SEMA6A: variants seen among roughly 807,000 people sequenced by gnomAD.
SEMA6A encodes the protein semaphorin 6A, also known as semaphorin-6A.
Under a neutral mutation model 96.8 loss-of-function variants are expected in SEMA6A, and 25 were observed. The ratio of observed to expected loss-of-function variants is 0.26; its 90% confidence interval spans 0.19 to 0.36. The LOEUF (loss-of-function observed/expected upper bound fraction) is 0.36. SEMA6A is among the 10% of genes least tolerant of loss of function. SEMA6A has a pLI of 1.00. For missense variants in SEMA6A, 1,363 were observed against 1,323.1 expected (o/e 1.03, Z -0.47); for synonymous variants, 612 against 518.0 (o/e 1.18, Z -2.46).
intron 1 of SEMA6A, among the ~76,000 whole-genome samples, chr5:116,543,997 C>T (rs939260123): frequency 9.2e-5 from 14 of 152,230 alleles, no homozygotes; most frequent in Admixed American, 3.9e-4. Flanking sequence ...TGTGGCATTA[C>T]TAATACAGAT....
At chr5:116,451,790 G>A (rs1754653057) in intron 18 of SEMA6A, among the ~76,000 whole-genome samples, 1 of 152,102 alleles carries the variant, frequency 6.6e-6, no homozygotes, top group Admixed American at 6.5e-5. Flanking sequence ...AATTTTAATA[G>A]TAGCATCTAT....
At chr5:116,534,532 C>T (rs890126993) in intron 1 of SEMA6A, among the ~76,000 whole-genome samples, 3 of 152,226 alleles carry the variant, frequency 2.0e-5, no homozygotes, top group African/African-American at 7.2e-5. Flanking sequence ...GGCTTCTCCA[C>T]CTTCAGGTCT....
chr5:116,526,673 A>G (rs555378909), intron 1 of SEMA6A, among the ~76,000 whole-genome samples: 44 of 152,330 alleles, frequency 2.9e-4, no homozygotes, highest in African/African-American at 1.1e-3. Context: ...CTCACTTTAT[A>G]ATGAACTGTC....
intron 4 of SEMA6A, 146 bp from the exon 5 acceptor site, chr5:116,496,459 A>G (rs1757609045): frequency 1.7e-6 from 1 of 596,242 alleles, no homozygotes; most frequent in South Asian, 2.5e-5. Flanking sequence ...AATTCACCGT[A>G]ACAACAAAAG....
chr5:116,449,595 A>T, intron 18 of SEMA6A: 1 of 479,342 alleles, frequency 2.1e-6, no homozygotes, highest in Non-Finnish European at 3.7e-6. Flanking sequence ...CCTTAGCCTG[A>T]AAAGTACATT....
At chr5:116,467,909 G>A (rs1755872597) in intron 17 of SEMA6A, 162 bp from the exon 18 acceptor site, 1 of 645,598 alleles carries the variant, frequency 1.5e-6, no homozygotes, top group African/African-American at 1.8e-5. Flanking sequence ...TGGTGGTGGT[G>A]GTGGTGTGGG....
At chr5:116,490,282 G>A (rs1757268123) in intron 7 of SEMA6A, among the ~76,000 whole-genome samples, 1 of 152,060 alleles carries the variant, frequency 6.6e-6, no homozygotes, top group Non-Finnish European at 1.5e-5. Flanking sequence ...TGGATTTTGA[G>A]CCCCAGGTCA....
intron 18 of SEMA6A, among the ~76,000 whole-genome samples, chr5:116,464,836 TG>T (rs1453532618): frequency 6.6e-6 from 1 of 152,218 alleles, no homozygotes; most frequent in Non-Finnish European, 1.5e-5. Flanking sequence ...ACCAGCTCAC[TG>T]GCAGTCAGCA....
chr5:116,467,552 C>A (rs1481084984), intron 18 of SEMA6A, 31 bp downstream of exon 18: 2 of 1,586,650 alleles, frequency 1.3e-6, no homozygotes, highest in Non-Finnish European at 8.6e-7. Context: ...TCCCTCTCCC[C>A]CGAGAGGAAG....
intron 1 of SEMA6A, among the ~76,000 whole-genome samples, chr5:116,532,456 T>C (rs1470684073): frequency 2.0e-5 from 3 of 152,220 alleles, no homozygotes; most frequent in African/African-American, 7.2e-5. Flanking sequence ...CCATGTTTAC[T>C]GCTAGAAACC....
At chr5:116,477,403 A>G (rs1368606802) in intron 15 of SEMA6A, among the ~76,000 whole-genome samples, 1 of 152,238 alleles carries the variant, frequency 6.6e-6, no homozygotes, top group Non-Finnish European at 1.5e-5. Flanking sequence ...TGCTTGCAGT[A>G]CAATTACATT....
intron 18 of SEMA6A, among the ~76,000 whole-genome samples, chr5:116,461,984 GCC>G (rs1755434449): frequency 6.6e-6 from 1 of 152,062 alleles, no homozygotes; most frequent in African/African-American, 2.4e-5. Flanking sequence ...AGAAAATTAA[GCC>G]CAAGTTTAAG....
At chr5:116,538,269 G>A (rs969003818) in intron 1 of SEMA6A, among the ~76,000 whole-genome samples, 2 of 152,156 alleles carry the variant, frequency 1.3e-5, no homozygotes, top group African/African-American at 4.8e-5. Flanking sequence ...TGATCCATCT[G>A]TATGGGCTCA....
At chr5:116,459,014 T>C (rs1755198976) in intron 18 of SEMA6A, among the ~76,000 whole-genome samples, 2 of 152,258 alleles carry the variant, frequency 1.3e-5, no homozygotes, top group South Asian at 4.2e-4. Flanking sequence ...AGACTACATA[T>C]AGATTCCTTT....
intron 1 of SEMA6A, among the ~76,000 whole-genome samples, chr5:116,558,365 C>G (rs927686178): frequency 6.6e-6 from 1 of 152,064 alleles, no homozygotes; most frequent in African/African-American, 2.4e-5. Context: ...ATATATGTGC[C>G]ACGGTGGTTT....
At chr5:116,545,230 A>G (rs542455438) in intron 1 of SEMA6A, among the ~76,000 whole-genome samples, 85 of 152,328 alleles carry the variant, frequency 5.6e-4, no homozygotes, top group African/African-American at 2.0e-3. Context: ...GCTCCAGCCA[A>G]TGGAGACAGG....
chr5:116,480,836 G>C (rs1756723650), intron 11 of SEMA6A, among the ~76,000 whole-genome samples: 2 of 152,090 alleles, frequency 1.3e-5, no homozygotes, highest in Admixed American at 1.3e-4. Flanking sequence ...GATTTTGGCA[G>C]GTATGAAAAG....
rs534427183 is a variant in SEMA6A at position 116,470,931 on chromosome 5, G to T, written c.1729+2142C>A. 2.0e-5 allele frequency among the ~76,000 whole-genome samples: 3 copies of T among 152,360 alleles called. No homozygotes were observed. The East Asian group carries it at 5.8e-4, about 29-fold the overall frequency. On this transcript the variant is annotated intron_variant, in intron 17 of 18. Coordinates refer to ENST00000343348, the MANE Select transcript of SEMA6A (RefSeq NM_020796.5). ...TTCGATGCTACAAATACAGTGCCCA[G>T]TACAGTGCCTAGGACACAGTAGTTG...
At chr5:116,511,828 A>G (rs901209453) in intron 1 of SEMA6A, among the ~76,000 whole-genome samples, 1 of 152,180 alleles carries the variant, frequency 6.6e-6, no homozygotes, top group African/African-American at 2.4e-5. Context: ...GCCTCCCTCA[A>G]CCGTGATGTT....
Sources: allele counts gnomAD v4.1 joint callset (sites outside exome capture counted in the v4.1 genomes callset), GRCh38; gene constraint gnomAD v4.1.1; transcripts MANE v1.5; gene names NCBI Gene and HGNC (gene_info 2026-07-23, HGNC 2026-07-21).